Variants in NF1 observed in about 807,000 individuals in gnomAD.
The protein encoded by NF1 is neurofibromin.
NF1 carries 122 observed loss-of-function variants against 325.7 expected under a neutral mutation model. That is an observed-to-expected ratio of 0.37 (90% CI 0.32 to 0.44). The LOEUF is 0.44. Ranked by LOEUF, NF1 falls within the 20% of genes least tolerant of loss-of-function variation. The pLI is 1.00. For synonymous variants in NF1, 1,091 were observed against 1,186.0 expected, an observed-to-expected ratio of 0.92 and a Z score of 1.65; for missense variants, 2,140 against 3,415.4, an observed-to-expected ratio of 0.63 and a Z score of 9.31.
chr17:31,106,346 A>G (rs1912861014), intron 1 of NF1, among the ~76,000 whole-genome samples: 1 of 152,188 alleles, frequency 6.6e-6, no homozygotes, highest in South Asian at 2.1e-4. Context: ...ATGTATTAGC[A>G]TCTGTGCAGT....
chr17:31,357,454 G>A, intron 54 of NF1, 85 bp downstream of exon 54: 2 of 1,054,336 alleles, frequency 1.9e-6, no homozygotes, highest in South Asian at 1.3e-5. Flanking sequence ...TGGTTGCAAA[G>A]AGGGCAAAAT....
At chr17:31,222,169 A>C in intron 15 of NF1, 4 of 1,219,826 alleles carry the variant, frequency 3.3e-6, no homozygotes, top group Non-Finnish European at 4.1e-6. Context: ...CCCTAACATA[A>C]GTACTGTTGT....
At chr17:31,305,859 G>A (rs1403251091) in intron 36 of NF1, among the ~76,000 whole-genome samples, 2 of 152,156 alleles carry the variant, frequency 1.3e-5, no homozygotes, top group African/African-American at 4.8e-5. Context: ...GACCTCATAA[G>A]CAGTGATCTC....
intron 51 of NF1, among the ~76,000 whole-genome samples, chr17:31,353,209 G>A (rs1241254202): frequency 6.6e-6 from 1 of 152,008 alleles, no homozygotes; most frequent in Non-Finnish European, 1.5e-5. Context: ...ATGCCCGGCC[G>A]GAAGATAGGA....
chr17:31,200,939 GC>G, intron 9 of NF1, 97 bp from the exon 10 acceptor site: 2 of 1,541,184 alleles, frequency 1.3e-6, no homozygotes, highest in Non-Finnish European at 1.8e-6. Flanking sequence ...GGATTTTACT[GC>G]CATTTGTGTG....
chr17:31,145,023 T>A (rs1476855506), intron 1 of NF1, among the ~76,000 whole-genome samples: 1 of 152,240 alleles, frequency 6.6e-6, no homozygotes, highest in African/African-American at 2.4e-5. Context: ...CTCCTGCTTC[T>A]TGAATCTCTG....
rs1369781933 is a variant in NF1, at chr17:31,243,214, T to TGTGTGTGTGTGTGTGTGTGTGTGTG, written c.3975-5769_3975-5768insTGTGTGTGTGTGTGTGTGTGTGTGG. On this transcript the variant is annotated intron_variant, in intron 29 of 57. Coordinates refer to ENST00000358273, the MANE Select transcript of NF1 (RefSeq NM_001042492.3). ...TGTGTGTGTGTGTGTGTGTGTGTGT[T>TGTGTGTGTGTGTGTGTGTGTGTGTG]GAGCTGCCTGGAGCTGGGGGAGGGG... is the stretch of plus-strand genomic sequence containing the variant. Among the ~76,000 whole-genome samples, 180 of 70,542 alleles carry TGTGTGTGTGTGTGTGTGTGTGTGTG rather than the reference T, an allele frequency of 2.6e-3. 2 individuals carry two copies. The highest frequency in any genetic ancestry group is 9.9e-3 in the African/African-American group (162 of 16,370). 46.3% of individuals were successfully genotyped at this position (70,542 alleles called of 152,430 possible).
At chr17:31,096,138 C>T (rs146629985) in intron 1 of NF1, among the ~76,000 whole-genome samples, 1 of 151,242 alleles carries the variant, frequency 6.6e-6, no homozygotes, top group Non-Finnish European at 1.5e-5. Flanking sequence ...TCTTCCCCCC[C>T]CCCTTTTTTT....
chr17:31,226,330 C>CACACAG (rs1454189287), intron 17 of NF1, 105 bp from the exon 18 acceptor site: 36 of 1,250,190 alleles, frequency 2.9e-5, no homozygotes, highest in Non-Finnish European at 3.9e-5. Context: ...CACACACACA[C>CACACAG]ACACACACAC....
intron 30 of NF1, chr17:31,251,701 T>C (rs546834871): frequency 2.0e-5 from 4 of 201,290 alleles, no homozygotes; most frequent in African/African-American, 4.6e-5. Context: ...GATAGTTATA[T>C]ACCACTGTTA....
intron 30 of NF1, 178 bp from the exon 31 acceptor site, chr17:31,252,760 A>G: frequency 1.7e-6 from 1 of 605,960 alleles, no homozygotes; most frequent in Admixed American, 2.9e-5. Flanking sequence ...TTAAAAATGT[A>G]ATAAAAATTA....
chr17:31,184,193 A>T (rs1166251933), intron 8 of NF1, among the ~76,000 whole-genome samples: 3 of 152,186 alleles, frequency 2.0e-5, no homozygotes, highest in Non-Finnish European at 4.4e-5. Flanking sequence ...AACTGTTTAG[A>T]GAGTTTGCAA....
intron 51 of NF1, chr17:31,355,733 C>G (rs1374662707): frequency 6.6e-6 from 1 of 152,144 alleles, no homozygotes; most frequent in Admixed American, 6.5e-5. Context: ...GCCTGTAGTC[C>G]CAGCTACTGG....
chr17:31,184,190 T>G (rs916621792), intron 8 of NF1, among the ~76,000 whole-genome samples: 1 of 152,192 alleles, frequency 6.6e-6, no homozygotes, highest in Non-Finnish European at 1.5e-5. Flanking sequence ...GTGAACTGTT[T>G]AGAGAGTTTG....
At chr17:31,107,685 C>A (rs1184440635) in intron 1 of NF1, among the ~76,000 whole-genome samples, 2 of 152,168 alleles carry the variant, frequency 1.3e-5, no homozygotes, top group African/African-American at 4.8e-5. Context: ...AAATTTCATT[C>A]ATTCTTCAAC....
chr17:31,145,295 C>G (rs1916510516), intron 1 of NF1, among the ~76,000 whole-genome samples: 1 of 152,200 alleles, frequency 6.6e-6, no homozygotes, highest in Non-Finnish European at 1.5e-5. Context: ...CGGGTTCAAG[C>G]AATTCTCCCA....
At position 31,229,384 on chromosome 17, in the gene NF1, A is replaced by G. The variant is rs1450651152; in HGVS notation, c.2769A>G (p.Leu923=). The G allele has an allele frequency of 2.5e-6, 4 of 1,613,964 alleles. No individual in the cohort carries two copies. Among genetic ancestry groups the G allele is most frequent in the Admixed American group, 3.3e-5 (2 of 60,010 alleles). ...IRTNVKDLVG[L]ELSPALYPML... is the part of the protein sequence containing the mutation. ...CCAATGTTAAGGATCTGGTGGGTCTAGAATTGAGTCCTGCTCTGTATCCAA... is the reference window on the plus strand; with the variant it reads ...CCAATGTTAAGGATCTGGTGGGTCTGGAATTGAGTCCTGCTCTGTATCCAA... The change falls in exon 21 of 58, where the codon CTA becomes CTG. Residue 923 remains leucine, a synonymous_variant. Coordinates refer to ENST00000358273, the MANE Select transcript of NF1 (RefSeq NM_001042492.3).
intron 47 of NF1, 83 bp downstream of exon 47, chr17:31,340,728 C>A (rs2151562335): frequency 7.2e-7 from 1 of 1,395,170 alleles, no homozygotes; most frequent in Non-Finnish European, 1.0e-6. Context: ...CTTTTAAAAT[C>A]ACAAGAAGTC....
At chr17:31,320,040 A>G (rs2069139990) in intron 36 of NF1, among the ~76,000 whole-genome samples, 1 of 152,108 alleles carries the variant, frequency 6.6e-6, no homozygotes, top group Non-Finnish European at 1.5e-5. Flanking sequence ...GTTATATTAT[A>G]CATTTTTTAA....
Sources: gnomAD v4.1 joint callset for allele counts (sites outside exome capture counted in the v4.1 genomes callset) on GRCh38, gnomAD v4.1.1 for gene constraint, MANE v1.5 for transcripts, NCBI Gene and HGNC (gene_info 2026-07-23, HGNC 2026-07-21) for gene names.